The following ZCCHC7 variants were observed in gnomAD, a reference collection of about 807,000 sequenced individuals.
ZCCHC7 encodes zinc finger CCHC domain-containing protein 7.
In ZCCHC7, 35 loss-of-function variants were observed where a neutral mutation model predicts 52.0. The observed-to-expected ratio is 0.67, with a 90% CI of 0.51 to 0.89. The LOEUF is 0.89. Ranked by LOEUF, ZCCHC7 falls within the 40% of genes least tolerant of loss-of-function variation. The probability of loss-of-function intolerance (pLI) is 0.00; values close to 1 mark genes in which losing one functional copy is unlikely to be tolerated. For missense variants in ZCCHC7, 574 were observed against 649.1 expected, an observed-to-expected ratio of 0.88 and a Z score of 1.26; for synonymous variants, 217 against 221.5, an observed-to-expected ratio of 0.98 and a Z score of 0.18.
intron 2 of ZCCHC7, among the ~76,000 whole-genome samples, chr9:37,222,225 A>G (rs1490971811): frequency 1.3e-5 from 2 of 151,932 alleles, no homozygotes; most frequent in East Asian, 1.9e-4. Flanking sequence ...TAAAAAAAAA[A>G]ACAAATGGTG....
chr9:37,276,857 G>A (rs1391573585), intron 2 of ZCCHC7, among the ~76,000 whole-genome samples: 1 of 152,076 alleles, frequency 6.6e-6, no homozygotes, highest in Non-Finnish European at 1.5e-5. Context: ...AATGAGAAGA[G>A]ATAATAAAAA....
intron 2 of ZCCHC7, among the ~76,000 whole-genome samples, chr9:37,203,158 G>A (rs1216237487): frequency 6.6e-6 from 1 of 152,012 alleles, no homozygotes; most frequent in East Asian, 1.9e-4. Context: ...GTGACATTGG[G>A]GAAGCTATAT....
chr9:37,270,807 T>TAA (rs200470962), intron 2 of ZCCHC7, among the ~76,000 whole-genome samples: 2 of 149,538 alleles, frequency 1.3e-5, no homozygotes, highest in African/African-American at 4.9e-5. Flanking sequence ...CCAGCAATAA[T>TAA]AAAAAAAAAA....
At chr9:37,260,769 T>TA (rs899797378) in intron 2 of ZCCHC7, among the ~76,000 whole-genome samples, 1 of 152,154 alleles carries the variant, frequency 6.6e-6, no homozygotes, top group African/African-American at 2.4e-5. Flanking sequence ...TAAGACTTGA[T>TA]ACTCCTCTAG....
intron 2 of ZCCHC7, among the ~76,000 whole-genome samples, chr9:37,184,287 T>C (rs1444378389): frequency 6.6e-6 from 1 of 152,052 alleles, no homozygotes; most frequent in Non-Finnish European, 1.5e-5. Context: ...GTCTATATCA[T>C]CTGATGATTC....
intron 2 of ZCCHC7, among the ~76,000 whole-genome samples, chr9:37,176,215 C>T (rs529768353): frequency 2.0e-5 from 3 of 152,266 alleles, no homozygotes; most frequent in South Asian, 2.1e-4. Flanking sequence ...GCTGGGACTA[C>T]AGGCGCCTGC....
intron 2 of ZCCHC7, among the ~76,000 whole-genome samples, chr9:37,140,992 A>G (rs1419487605): frequency 6.6e-6 from 1 of 152,036 alleles, no homozygotes; most frequent in East Asian, 1.9e-4. Context: ...AAGGAAAAAA[A>G]TTTAATGCTT....
At chr9:37,182,014 A>G (rs1221248694) in intron 2 of ZCCHC7, among the ~76,000 whole-genome samples, 1 of 152,132 alleles carries the variant, frequency 6.6e-6, no homozygotes, top group Non-Finnish European at 1.5e-5. Context: ...TGTGTGAATT[A>G]TATCAATGTT....
intron 2 of ZCCHC7, among the ~76,000 whole-genome samples, chr9:37,223,819 C>G (rs941929977): frequency 6.6e-6 from 1 of 151,906 alleles, no homozygotes; most frequent in Non-Finnish European, 1.5e-5. Flanking sequence ...TAGTCTATAA[C>G]CATTGACAGT....
chr9:37,185,038 A>G (rs140732191), intron 2 of ZCCHC7, among the ~76,000 whole-genome samples: 1 of 152,010 alleles, frequency 6.6e-6, no homozygotes, highest in African/African-American at 2.4e-5. Flanking sequence ...ACTTGCTGAG[A>G]TCTTTTTTTT....
chr9:37,281,325 C>A (rs1306951302), intron 2 of ZCCHC7, among the ~76,000 whole-genome samples: 2 of 152,126 alleles, frequency 1.3e-5, no homozygotes, highest in African/African-American at 2.4e-5. Context: ...CTCTAATATT[C>A]TTTTATTAAA....
chr9:37,283,344 A>G (rs1828060646), intron 2 of ZCCHC7, among the ~76,000 whole-genome samples: 1 of 152,192 alleles, frequency 6.6e-6, no homozygotes, highest in Non-Finnish European at 1.5e-5. Context: ...CAAATTGTAA[A>G]TTAAACTTTC....
At position 37,126,527 on chromosome 9, in the gene ZCCHC7, G is replaced by A. The variant is rs553707003; in HGVS notation, c.195G>A (p.Ser65=). ...EEKNSGNSES[S]SSKPNQKKLI... ...AGAACTCTGGGAATTCGGAATCTTC[G>A]AGTAGTAAACCAAATCAGAAGAAGC... The change falls in exon 2 of 9, where the codon TCG becomes TCA. Residue 65 remains serine, a synonymous_variant. Transcript: ENST00000336755. 64 of 1,613,902 alleles carry A rather than the reference G, an allele frequency of 4.0e-5. No homozygotes were observed. The Middle Eastern group carries it at 1.3e-3, about 34-fold the overall frequency.
chr9:37,210,593 T>C (rs1250683315), intron 2 of ZCCHC7, among the ~76,000 whole-genome samples: 1 of 152,204 alleles, frequency 6.6e-6, no homozygotes, highest in Non-Finnish European at 1.5e-5. Context: ...ACATCTGCAA[T>C]GGCTCCCTGA....
intron 2 of ZCCHC7, among the ~76,000 whole-genome samples, chr9:37,157,517 T>C (rs1025915762): frequency 1.3e-5 from 2 of 151,812 alleles, no homozygotes; most frequent in African/African-American, 4.8e-5. Flanking sequence ...ACCTACAGAA[T>C]GAGAGAAAAT....
At chr9:37,183,950 A>G (rs1480502728) in intron 2 of ZCCHC7, among the ~76,000 whole-genome samples, 1 of 152,218 alleles carries the variant, frequency 6.6e-6, no homozygotes, top group Non-Finnish European at 1.5e-5. Flanking sequence ...AAATTCAAGC[A>G]TAGCTCCTTC....
chr9:37,147,999 T>C (rs1165714858), intron 2 of ZCCHC7, among the ~76,000 whole-genome samples: 3 of 152,062 alleles, frequency 2.0e-5, no homozygotes, highest in African/African-American at 7.2e-5. Flanking sequence ...TGTCAGTAAT[T>C]GTTTTTTCAT....
intron 2 of ZCCHC7, among the ~76,000 whole-genome samples, chr9:37,211,670 A>C (rs976721949): frequency 6.6e-6 from 1 of 152,170 alleles, no homozygotes; most frequent in Admixed American, 6.5e-5. Context: ...TAATATGGAA[A>C]TGTTGCTCAG....
At chr9:37,314,280 T>C (rs1829716309) in intron 5 of ZCCHC7, among the ~76,000 whole-genome samples, 2 of 152,216 alleles carry the variant, frequency 1.3e-5, no homozygotes, top group Non-Finnish European at 2.9e-5. Flanking sequence ...AAATAAACTT[T>C]AGTTTTTCAC....
Sources: gnomAD v4.1 joint callset for allele counts (sites outside exome capture counted in the v4.1 genomes callset) on GRCh38, gnomAD v4.1.1 for gene constraint, MANE v1.5 for transcripts, NCBI Gene and HGNC (gene_info 2026-07-23, HGNC 2026-07-21) for gene names.